Variants in RNF166 observed in about 807,000 individuals in gnomAD.
RNF166 encodes the protein ring finger protein 166, also known as E3 ubiquitin-protein ligase RNF166.
In RNF166, 19 loss-of-function variants were observed where a neutral mutation model predicts 29.4. The ratio of observed to expected loss-of-function variants is 0.65; its 90% CI spans 0.45 to 0.95. The LOEUF (loss-of-function observed/expected upper bound fraction) is 0.95, where lower values mean the gene tolerates loss of function less well. Ranked by LOEUF, RNF166 falls within the 40% of genes least tolerant of loss-of-function variation. RNF166 has a pLI of 0.00. For synonymous variants in RNF166, 171 were observed against 134.5 expected (o/e 1.27, Z -1.88); for missense variants, 347 against 322.1 (o/e 1.08, Z -0.59).
rs569699367 is a variant in RNF166 at position 88,697,448 on chromosome 16, G to C, written c.*120C>G. ...CTCGGCCCCGGCTCCCCTTCTGCGC[G>C]GGTGCAGGCTCCTCCTGTGAGCTCA... On this transcript the variant is annotated 3_prime_UTR_variant, in exon 6 of 6. Coordinates refer to ENST00000312838, the MANE Select transcript of RNF166 (RefSeq NM_178841.4). The C allele has an allele frequency of 1.4e-6, 1 of 709,094 alleles. No homozygotes were observed. The highest frequency in any genetic ancestry group is 1.9e-5 in the South Asian group (1 of 53,906). 43.9% of individuals were successfully genotyped at this position (709,094 alleles called of 1,614,324 possible). A position where few individuals can be genotyped will look rare whatever the true frequency, so the allele number is the denominator to read the frequency against.
intron 1 of RNF166, 119 bp from the exon 2 acceptor site, chr16:88,701,537 A>C (rs1597408031): frequency 1.0e-6 from 1 of 965,276 alleles, no homozygotes; most frequent in East Asian, 2.8e-5. Flanking sequence ...AGCTCCCCCT[A>C]CCGCTGTCGC....
intron 5 of RNF166, 184 bp downstream of exon 5, chr16:88,698,318 G>T: frequency 1.4e-6 from 1 of 709,066 alleles, no homozygotes. Flanking sequence ...CTCAAACTCA[G>T]CTGCCATCAC....
At position 88,698,955 on chromosome 16, in the gene RNF166, G is replaced by A. The variant is rs115969046; in HGVS notation, c.540+16C>T. ...CTCCCCTGGCGCAGGCGTCGCTTGG[G>A]GCAGGCACTGCTCACCACGCGGTTG... On this transcript the variant is annotated intron_variant, in intron 4 of 5. Transcript: ENST00000312838. The A allele has an allele frequency of 1.1e-3, 1,737 of 1,553,036 alleles. 22 individuals are homozygous for A. The African/African-American group carries it at 0.021, about 19-fold the overall frequency.
intron 1 of RNF166, 79 bp downstream of exon 1, chr16:88,706,092 G>C: frequency 1.0e-6 from 1 of 971,228 alleles, no homozygotes; most frequent in Non-Finnish European, 1.2e-6. Flanking sequence ...GAGCTGCACC[G>C]GGGCGGCCGC....
intron 1 of RNF166, among the ~76,000 whole-genome samples, chr16:88,705,683 A>G (rs1910716659): frequency 1.3e-5 from 2 of 152,256 alleles, no homozygotes; most frequent in African/African-American, 2.4e-5. Flanking sequence ...ACTCCAAACA[A>G]GCCCCTCTAA....
Position 88,706,191 on chromosome 16 carries a change from G to T in RNF166, c.135C>A (p.Ala45=), listed in dbSNP as rs1326185720. The T allele has an allele frequency of 1.6e-6, 2 of 1,289,494 alleles. No homozygotes were observed. The highest frequency in any genetic ancestry group is 2.0e-6 in the Non-Finnish European group (2 of 1,013,438). 79.9% of individuals were successfully genotyped at this position (1,289,494 alleles called of 1,614,324 possible). A position where few individuals can be genotyped will look rare whatever the true frequency, so the allele number is the denominator to read the frequency against. The stretch of plus-strand genomic sequence containing the variant: ...CTCACGTGTGGCCGCAGCTGCCGAT[G>T]GCCACGGGCCGGTGATAGACCTCCA... The part of the protein sequence containing the change: ...ICLEVYHRPV[A]IGSCGHTFCG... Residue 45 remains alanine (A), a synonymous_variant, in exon 1 of 6, where the codon GCC becomes GCA. Transcript: ENST00000312838.
intron 1 of RNF166, among the ~76,000 whole-genome samples, chr16:88,702,480 C>G (rs572853424): frequency 5.5e-4 from 84 of 152,336 alleles, no homozygotes; most frequent in Admixed American, 1.6e-3. Flanking sequence ...CAGCTGAATT[C>G]AGGGCCAGAG....
chr16:88,700,567 A>C, intron 2 of RNF166: 1 of 972,240 alleles, frequency 1.0e-6, no homozygotes, highest in South Asian at 4.9e-5. Context: ...GCTTCATAGA[A>C]CTTATTCACC....
rs754008108 is a variant in RNF166 at position 88,701,279 on chromosome 16, G to T, written c.295C>A (p.Arg99=). ...GCGGGTACCTTTTTGTTGCAGCCTC[G>T]ACAGGGCGCTTTGTAGGATGAGAGC... ...KQLSSYKAPC[R]GCNKKVTLAK... Residue 99 remains arginine, a synonymous_variant, in exon 2 of 6, where the codon CGA becomes AGA. Transcript: ENST00000312838. 10 of 1,613,610 alleles carry T rather than the reference G, an allele frequency of 6.2e-6. No homozygotes were observed. Among genetic ancestry groups the T allele is most frequent in the African/African-American group, 1.3e-5 (1 of 74,928 alleles).
At chr16:88,699,931 T>G in intron 2 of RNF166, 199 bp from the exon 3 acceptor site, 1 of 493,454 alleles carries the variant, frequency 2.0e-6, no homozygotes, top group Non-Finnish European at 3.6e-6. Context: ...CAAAAGCAAG[T>G]CACTGCAGGA....
At chr16:88,703,805 C>A (rs1031860136) in intron 1 of RNF166, 1 of 985,464 alleles carries the variant, frequency 1.0e-6, no homozygotes. Context: ...GTCTCCCACA[C>A]TGGCCGCTGC....
intron 1 of RNF166, chr16:88,703,627 T>C (rs948535482): frequency 2.0e-6 from 2 of 985,390 alleles, no homozygotes; most frequent in African/African-American, 3.5e-5. Context: ...TAGTGCCCGC[T>C]TCCCCCACAG....
chr16:88,706,126 C>T, intron 1 of RNF166, 45 bp downstream of exon 1: 3 of 1,111,762 alleles, frequency 2.7e-6, no homozygotes, highest in Non-Finnish European at 3.3e-6. Flanking sequence ...CCTCCCGCGG[C>T]GGGGCACGGC....
At chr16:88,701,013 C>A in intron 2 of RNF166, 5 of 1,368,238 alleles carry the variant, frequency 3.7e-6, no homozygotes, top group Non-Finnish European at 4.7e-6. Flanking sequence ...TCCCCTGGCC[C>A]GGGCTAGGCG....
In RNF166 at chr16:88,697,174, C is replaced by T. The variant is rs894412259; in HGVS notation, c.*394G>A. The T allele has an allele frequency of 1.7e-5, 3 of 180,868 alleles. No homozygotes were observed. Among genetic ancestry groups the T allele is most frequent in the African/African-American group, 7.1e-5 (3 of 41,978 alleles). The allele number at this position is 180,868 out of a possible 1,614,324, so 11.2% of individuals were successfully genotyped here. A position where few individuals can be genotyped will look rare whatever the true frequency, so the allele number is the denominator to read the frequency against. On this transcript the variant is annotated 3_prime_UTR_variant, in exon 6 of 6. Coordinates refer to ENST00000312838, the MANE Select transcript of RNF166 (RefSeq NM_178841.4). ...GAAGTGGGGCCGGGGCAGGGTCGGGCTGGGCAGGGCAGCAGCCTGGGTTCC... is the reference window on the plus strand; with the variant it reads ...GAAGTGGGGCCGGGGCAGGGTCGGGTTGGGCAGGGCAGCAGCCTGGGTTCC...
intron 1 of RNF166, among the ~76,000 whole-genome samples, chr16:88,702,391 C>T (rs996984964): frequency 6.6e-6 from 1 of 152,198 alleles, no homozygotes; most frequent in Non-Finnish European, 1.5e-5. Context: ...TTCCCTTCTC[C>T]CTGGCAAGGC....
rs11076700 is a variant in RNF166, at chr16:88,697,550, G to A, written c.*18C>T. 329,645 of 1,539,444 alleles carry A rather than the reference G, an allele frequency of 0.21. 37,279 individuals carry two copies. Among genetic ancestry groups the A allele is most frequent in the South Asian group, 0.26 (21,866 of 83,694 alleles). On this transcript the variant is annotated 3_prime_UTR_variant, in exon 6 of 6. Coordinates refer to ENST00000312838, the MANE Select transcript of RNF166 (RefSeq NM_178841.4). ...GACATCCCTGACCCCAGACGCAGGC[G>A]GGTGGCTGCGCTTCCCTTCAGTTCT...
At chr16:88,703,060 C>T (rs1054991763) in intron 1 of RNF166, 107 of 985,524 alleles carry the variant, frequency 1.1e-4, no homozygotes, top group East Asian at 7.9e-4. Flanking sequence ...AGCCCCACCA[C>T]GCACCGGAAG....
intron 2 of RNF166, chr16:88,700,952 A>C: frequency 2.5e-6 from 3 of 1,204,638 alleles, no homozygotes; most frequent in East Asian, 5.2e-5. Context: ...TGCATTGGGA[A>C]GGTTTCAGCT....
Sources: allele counts gnomAD v4.1 joint callset (sites outside exome capture counted in the v4.1 genomes callset), GRCh38; gene constraint gnomAD v4.1.1; transcripts MANE v1.5; gene names NCBI Gene and HGNC (gene_info 2026-07-23, HGNC 2026-07-21).